MAGI3: variants seen among roughly 807,000 people sequenced by gnomAD.
MAGI3 encodes membrane associated guanylate kinase, WW and PDZ domain containing 3.
MAGI3 carries 43 observed loss-of-function variants against 121.8 expected under a neutral mutation model. That is an observed-to-expected ratio of 0.35 (90% confidence interval 0.28 to 0.46). The LOEUF (loss-of-function observed/expected upper bound fraction) is 0.46. Among genes scored for constraint, MAGI3 ranks in the 20% least tolerant of loss-of-function variants. MAGI3 has a pLI of 1.00. For synonymous variants in MAGI3, 553 were observed against 639.3 expected (o/e 0.86, Z 2.04); for missense variants, 1,547 against 1,797.3 (o/e 0.86, Z 2.52).
rs557574399 is a variant in MAGI3 at position 113,601,037 on chromosome 1, A to G, written c.1018+6477A>G. On this transcript the variant is annotated intron_variant, in intron 6 of 20. Coordinates refer to ENST00000307546, the MANE Select transcript of MAGI3 (RefSeq NM_001142782.2). ...GCCATATGTAGAAAGCTGAAACTGG[A>G]TCCCTTCCTTACACCTTATACAAAA... 9.2e-5 allele frequency among the ~76,000 whole-genome samples: 14 copies of G among 152,256 alleles called. No homozygotes were observed. In the South Asian group the frequency reaches 1.0e-3, roughly 11 times the overall value.
chr1:113,589,511 A>AAAGGAATCAGGAATATTTACAAGGGAATG (rs1296329156), intron 4 of MAGI3, among the ~76,000 whole-genome samples: 4 of 152,020 alleles, frequency 2.6e-5, no homozygotes, highest in Non-Finnish European at 4.4e-5. Context: ...ACAAGGGAAT[A>AAAGGAATCAGGAATATTTACAAGGGAATG]ATTATAGTGG....
intron 1 of MAGI3, among the ~76,000 whole-genome samples, chr1:113,521,341 C>T (rs1345256798): frequency 6.6e-6 from 1 of 151,692 alleles, no homozygotes; most frequent in African/African-American, 2.4e-5. Flanking sequence ...CTGGCTAGGC[C>T]TCCCAGAGAG....
chr1:113,610,899 A>C (rs1395979484), intron 6 of MAGI3, among the ~76,000 whole-genome samples: 1 of 151,658 alleles, frequency 6.6e-6, no homozygotes, highest in East Asian at 1.9e-4. Context: ...ATGCCATTGC[A>C]CTCTAGCCTG....
rs199499178 is a variant in MAGI3 at position 113,649,327 on chromosome 1, C to T, written c.2246C>T (p.Ser749Phe). Reference protein sequence around the residue: ...RVLGGDGPDQSIYIGAIIPLG... With the variant: ...RVLGGDGPDQFIYIGAIIPLG... ...CTAGGAGGAGATGGACCTGACCAGT[C>T]TGTAAGTGTCACTTCTTTGGAACAT... is the stretch of plus-strand genomic sequence containing the variant. The change falls in exon 13 of 21, where the codon TCT (serine) becomes TTT (phenylalanine). Residue 749 changes from serine (S) to phenylalanine (F), a missense_variant and splice_region_variant. Transcript: ENST00000307546. 2.5e-6 allele frequency: 4 copies of T among 1,598,052 alleles called. No homozygotes were observed. Among genetic ancestry groups the T allele is most frequent in the Admixed American group, 1.7e-5 (1 of 58,194 alleles).
intron 1 of MAGI3, among the ~76,000 whole-genome samples, chr1:113,481,228 AC>A (rs1656097207): frequency 6.6e-6 from 1 of 152,220 alleles, no homozygotes; most frequent in Non-Finnish European, 1.5e-5. Context: ...AGCAAAGATT[AC>A]ATGAGGATTC....
chr1:113,449,757 C>T, intron 1 of MAGI3: 2 of 1,023,108 alleles, frequency 2.0e-6, no homozygotes, highest in Non-Finnish European at 3.1e-6. Flanking sequence ...TATTGGTGGT[C>T]TGAGCTTTGA....
intron 1 of MAGI3, among the ~76,000 whole-genome samples, chr1:113,439,383 A>C (rs1332721359): frequency 6.6e-6 from 1 of 152,236 alleles, no homozygotes; most frequent in African/African-American, 2.4e-5. Context: ...GCCTTTGCAC[A>C]TACTGTTTCC....
intron 16 of MAGI3, among the ~76,000 whole-genome samples, chr1:113,671,446 A>G (rs1647546350): frequency 6.6e-6 from 1 of 152,208 alleles, no homozygotes. Context: ...CTAGATAAAT[A>G]TTATGTTCAT....
At position 113,586,981 on chromosome 1, in the gene MAGI3, A is replaced by G. The variant is rs776412639; in HGVS notation, c.763+1385A>G. Among the ~76,000 whole-genome samples the G allele has an allele frequency of 6.6e-5, 10 of 152,172 alleles. No individual in the cohort carries two copies. The East Asian group carries it at 1.7e-3, about 26-fold the overall frequency. On this transcript the variant is annotated intron_variant, in intron 4 of 20. Coordinates refer to ENST00000307546, the MANE Select transcript of MAGI3 (RefSeq NM_001142782.2). The stretch of plus-strand genomic sequence containing the variant: ...CAAGGGTGTGTGGGAGGCAGTTCGT[A>G]TACTACCTCTTATGTATAGATACCA...
chr1:113,551,886 C>T (rs551307150), intron 2 of MAGI3, among the ~76,000 whole-genome samples: 1 of 151,890 alleles, frequency 6.6e-6, no homozygotes, highest in East Asian at 1.9e-4. Context: ...TTCCTCCCTC[C>T]CTATTTTTTT....
chr1:113,614,521 A>G, intron 6 of MAGI3, 80 bp from the exon 7 acceptor site: 2 of 1,058,388 alleles, frequency 1.9e-6, no homozygotes, highest in South Asian at 2.6e-5. Context: ...TAGTATAATG[A>G]AATAATAAAT....
chr1:113,599,007 T>C (rs1319661261), intron 6 of MAGI3, among the ~76,000 whole-genome samples: 1 of 152,226 alleles, frequency 6.6e-6, no homozygotes, highest in Non-Finnish European at 1.5e-5. Context: ...CACACTGCTT[T>C]GAATGTGTCC....
intron 1 of MAGI3, among the ~76,000 whole-genome samples, chr1:113,541,190 T>C (rs1469987059): frequency 1.3e-5 from 2 of 152,198 alleles, no homozygotes; most frequent in East Asian, 1.9e-4. Flanking sequence ...GCCAGTGATA[T>C]GTAGGACCCA....
In MAGI3 at chr1:113,683,515, T is replaced by C. The variant is rs761806819; in HGVS notation, c.3947T>C (p.Ile1316Thr). ...AKLLEGKSRR[I>T]AGYTGSNAEQ... ...TTATTAGAGGGTAAGAGTCGAAGAATAGCAGGCTATACGGGCAGTAATGCT... is the reference window on the plus strand; with the variant it reads ...TTATTAGAGGGTAAGAGTCGAAGAACAGCAGGCTATACGGGCAGTAATGCT... Residue 1316 changes from isoleucine to threonine, a missense_variant, in exon 21 of 21, where the codon ATA (isoleucine) becomes ACA (threonine). Coordinates refer to ENST00000307546, the MANE Select transcript of MAGI3 (RefSeq NM_001142782.2). 8.1e-6 allele frequency: 13 copies of C among 1,613,774 alleles called. No homozygotes were observed. The highest frequency in any genetic ancestry group is 7.6e-6 in the Non-Finnish European group (9 of 1,179,872).
intron 9 of MAGI3, among the ~76,000 whole-genome samples, chr1:113,637,605 A>T (rs913470639): frequency 2.0e-5 from 3 of 152,164 alleles, no homozygotes; most frequent in Non-Finnish European, 2.9e-5. Flanking sequence ...ATCCACTGTT[A>T]GTCTGATGGG....
At chr1:113,513,478 C>G (rs1657723334) in intron 1 of MAGI3, among the ~76,000 whole-genome samples, 1 of 152,126 alleles carries the variant, frequency 6.6e-6, no homozygotes, top group Non-Finnish European at 1.5e-5. Context: ...TGCCACCTAT[C>G]TACAACTATC....
intron 1 of MAGI3, chr1:113,450,209 G>A (rs1654407137): frequency 8.2e-6 from 13 of 1,577,370 alleles, no homozygotes; most frequent in Non-Finnish European, 1.0e-5. Flanking sequence ...ACTATTAATG[G>A]GCATAATTGT....
At position 113,647,434 on chromosome 1, in the gene MAGI3, G is replaced by A. The variant is rs180739815; in HGVS notation, c.2155+792G>A. Reference sequence around the variant, plus strand: ...TGAATCAGAGGTGTATGCAATTTGAGGGAGGGTGTGCAATTTGAAGAAGAA... The same window carrying A: ...TGAATCAGAGGTGTATGCAATTTGAAGGAGGGTGTGCAATTTGAAGAAGAA... On this transcript the variant is annotated intron_variant, in intron 12 of 20. Coordinates refer to ENST00000307546, the MANE Select transcript of MAGI3 (RefSeq NM_001142782.2). Among the ~76,000 whole-genome samples the A allele has an allele frequency of 1.6e-4, 25 of 152,280 alleles. No individual in the cohort carries two copies. The East Asian group carries it at 4.8e-3, about 29-fold the overall frequency.
At chr1:113,504,274 A>C (rs1657200198) in intron 1 of MAGI3, among the ~76,000 whole-genome samples, 1 of 152,150 alleles carries the variant, frequency 6.6e-6, no homozygotes, top group African/African-American at 2.4e-5. Flanking sequence ...TAAAATTAAT[A>C]GTCCAAATAA....
Sources: allele counts gnomAD v4.1 joint callset (sites outside exome capture counted in the v4.1 genomes callset), GRCh38; gene constraint gnomAD v4.1.1; transcripts MANE v1.5; gene names NCBI Gene and HGNC (gene_info 2026-07-23, HGNC 2026-07-21).